TGFBR2: variants seen among roughly 807,000 people sequenced by gnomAD.
TGFBR2 encodes TGF-beta receptor type-2.
Under a neutral mutation model 49.0 loss-of-function variants are expected in TGFBR2, and 18 were observed. The ratio of observed to expected loss-of-function variants is 0.37; its 90% CI spans 0.25 to 0.54. The LOEUF (loss-of-function observed/expected upper bound fraction) is 0.54, where lower values mean the gene tolerates loss of function less well. Among genes scored for constraint, TGFBR2 ranks in the 20% least tolerant of loss-of-function variants. The pLI, the probability that TGFBR2 is intolerant of heterozygous loss-of-function variation, is 0.85. For missense variants in TGFBR2, 525 were observed against 722.6 expected, an observed-to-expected ratio of 0.73 and a Z score of 3.13; for synonymous variants, 282 against 275.9, an observed-to-expected ratio of 1.02 and a Z score of -0.22.
At chr3:30,661,314 A>T (rs986107886) in intron 3 of TGFBR2, among the ~76,000 whole-genome samples, 6 of 152,200 alleles carry the variant, frequency 3.9e-5, no homozygotes, top group Admixed American at 2.6e-4. Flanking sequence ...GGGAGGACAG[A>T]TGTGTCATCA....
At chr3:30,660,291 C>G (rs1451493924) in intron 3 of TGFBR2, among the ~76,000 whole-genome samples, 1 of 152,142 alleles carries the variant, frequency 6.6e-6, no homozygotes, top group Non-Finnish European at 1.5e-5. Flanking sequence ...CCTGTTTCTT[C>G]CACCAGGCTG....
At chr3:30,621,984 A>G (rs566116772) in intron 1 of TGFBR2, among the ~76,000 whole-genome samples, 2 of 152,306 alleles carry the variant, frequency 1.3e-5, no homozygotes, top group East Asian at 3.9e-4. Context: ...ACTAAGTATT[A>G]GATGTCTGTG....
At position 30,622,537 on chromosome 3, in the gene TGFBR2, C is replaced by CA. The variant is rs200899269; in HGVS notation, c.94+15570dup. Among the ~76,000 whole-genome samples, 1,195 of 143,402 alleles carry CA rather than the reference C, an allele frequency of 8.3e-3. 14 individuals are homozygous for CA. Among genetic ancestry groups the CA allele is most frequent in the South Asian group, 0.029 (132 of 4,586 alleles). 94.1% of individuals were successfully genotyped at this position (143,402 alleles called of 152,430 possible). ...AATAGCTGTTAAATAATATTAAAGG[C>CA]AAAAAAAAAAGTCATGAAAATAGTC... On this transcript the variant is annotated intron_variant, in intron 1 of 6. Coordinates refer to ENST00000295754, the MANE Select transcript of TGFBR2 (RefSeq NM_003242.6).
At chr3:30,643,614 G>A (rs889698033) in intron 1 of TGFBR2, among the ~76,000 whole-genome samples, 1 of 152,020 alleles carries the variant, frequency 6.6e-6, no homozygotes, top group Non-Finnish European at 1.5e-5. Flanking sequence ...TGGCATCAAG[G>A]GCCAAACATG....
intron 3 of TGFBR2, among the ~76,000 whole-genome samples, chr3:30,670,888 T>C (rs939298184): frequency 2.6e-5 from 4 of 152,262 alleles, no homozygotes; most frequent in African/African-American, 7.2e-5. Flanking sequence ...TGGGTGGATG[T>C]AAGATAACTG....
chr3:30,640,810 T>C (rs1394324676), intron 1 of TGFBR2, among the ~76,000 whole-genome samples: 4 of 152,138 alleles, frequency 2.6e-5, no homozygotes, highest in African/African-American at 9.7e-5. Flanking sequence ...AATGTTGAAG[T>C]TGGGTTAGGG....
chr3:30,658,955 G>A (rs1699059193), intron 3 of TGFBR2, among the ~76,000 whole-genome samples: 1 of 152,160 alleles, frequency 6.6e-6, no homozygotes, highest in South Asian at 2.1e-4. Flanking sequence ...GTTGTTTTCC[G>A]AGTAAGGGAA....
chr3:30,607,213 T>A (rs896059994), intron 1 of TGFBR2, among the ~76,000 whole-genome samples: 1 of 152,246 alleles, frequency 6.6e-6, no homozygotes, highest in Non-Finnish European at 1.5e-5. Flanking sequence ...TGGTCCCCTT[T>A]GTGCGAGCAG....
At chr3:30,669,386 G>T (rs1009584777) in intron 3 of TGFBR2, among the ~76,000 whole-genome samples, 56 of 152,108 alleles carry the variant, frequency 3.7e-4, no homozygotes, top group African/African-American at 1.3e-3. Context: ...AGGAGTTTAG[G>T]AGTGGAGGTT....
At chr3:30,679,951 T>G (rs1699510241) in intron 5 of TGFBR2, among the ~76,000 whole-genome samples, 1 of 152,094 alleles carries the variant, frequency 6.6e-6, no homozygotes, top group Non-Finnish European at 1.5e-5. Context: ...GATGGTGAAA[T>G]GCCATCTCTA....
Position 30,672,294 on chromosome 3 carries a change from C to A in TGFBR2, c.1111C>A (p.Pro371Thr), listed in dbSNP as rs2125436257. The A allele has an allele frequency of 1.9e-6, 3 of 1,606,140 alleles. No individual in the cohort carries two copies. Among genetic ancestry groups the A allele is most frequent in the Non-Finnish European group, 2.6e-6 (3 of 1,175,362 alleles). Residue 371 changes from proline to threonine, a missense_variant, in exon 4 of 7, where the codon CCC becomes ACC. Physicochemically the swap from Pro to Thr is conservative, Grantham distance 38 (BLOSUM62 -1). Coordinates refer to ENST00000295754, the MANE Select transcript of TGFBR2 (RefSeq NM_003242.6). This position sits in a 1 kb window ranked among gnomAD's most constrained non-coding sequence, Gnocchi z 4.5. ...CAGTGATCACACTCCATGTGGGAGGCCCAAGATGCCCATCGTGCACAGGGA... is the reference window on the plus strand; with the variant it reads ...CAGTGATCACACTCCATGTGGGAGGACCAAGATGCCCATCGTGCACAGGGA... ...LHSDHTPCGR[P>T]KMPIVHRDLK...
rs1171971413 is a variant in TGFBR2 at position 30,692,574 on chromosome 3, C to T, written c.*975C>T. On this transcript the variant is annotated 3_prime_UTR_variant, in exon 7 of 7. Transcript: ENST00000295754. ...TTTTCTAAAAAGGAGCAAATTCTCACTCTAGGCTTTATCGTGTTTACTTTT... is the reference window on the plus strand; with the variant it reads ...TTTTCTAAAAAGGAGCAAATTCTCATTCTAGGCTTTATCGTGTTTACTTTT... 1 of 233,020 alleles carries T rather than the reference C, an allele frequency of 4.3e-6. No individual in the cohort carries two copies. The highest frequency in any genetic ancestry group is 6.0e-5 in the East Asian group (1 of 16,688). The allele number at this position is 233,020 out of a possible 1,614,324, so 14.4% of individuals were successfully genotyped here.
At chr3:30,637,876 G>C (rs182919448) in intron 1 of TGFBR2, among the ~76,000 whole-genome samples, 40 of 152,310 alleles carry the variant, frequency 2.6e-4, no homozygotes, top group Admixed American at 5.9e-4. Flanking sequence ...GAGGCAAAAG[G>C]CTATTTGCGT....
rs764584556 is a variant in TGFBR2, at chr3:30,606,992, G to T, written c.94+15G>T. 1 of 1,574,306 alleles carries T rather than the reference G, an allele frequency of 6.4e-7. No individual in the cohort carries two copies. The highest frequency in any genetic ancestry group is 1.2e-5 in the South Asian group (1 of 86,570). On this transcript the variant is annotated intron_variant, in intron 1 of 6. Coordinates refer to ENST00000295754, the MANE Select transcript of TGFBR2 (RefSeq NM_003242.6). ...TCAGAAGTCGGGTGAGTGGTCCCCA[G>T]CCCGGGCTCGGCGGGGCGCCGGGGG...
chr3:30,637,885 G>T (rs144030641), intron 1 of TGFBR2, among the ~76,000 whole-genome samples: 17 of 152,072 alleles, frequency 1.1e-4, no homozygotes, highest in Non-Finnish European at 2.5e-4. Flanking sequence ...GGCTATTTGC[G>T]TTTGCAGTGT....
intron 3 of TGFBR2, among the ~76,000 whole-genome samples, chr3:30,663,843 G>T (rs966395203): frequency 1.3e-5 from 2 of 152,040 alleles, no homozygotes; most frequent in Middle Eastern, 3.2e-3. Context: ...TTTTATTTTG[G>T]AATGAATTCT....
intron 1 of TGFBR2, among the ~76,000 whole-genome samples, chr3:30,631,686 G>T (rs149343736): frequency 6.1e-4 from 81 of 133,534 alleles, no homozygotes; most frequent in African/African-American, 2.1e-3. Flanking sequence ...GTTTCAAAGT[G>T]TTTGGTGTTA....
At chr3:30,619,197 T>C (rs1421453308) in intron 1 of TGFBR2, among the ~76,000 whole-genome samples, 1 of 152,252 alleles carries the variant, frequency 6.6e-6, no homozygotes. Context: ...ACGCAAAATC[T>C]ATAACCATTT....
chr3:30,668,839 C>A (rs1699288438), intron 3 of TGFBR2, among the ~76,000 whole-genome samples: 1 of 151,874 alleles, frequency 6.6e-6, no homozygotes, highest in Non-Finnish European at 1.5e-5. Context: ...GGTTACTAGA[C>A]CCAAGATTTT....
Sources: gnomAD v4.1 joint callset for allele counts (sites outside exome capture counted in the v4.1 genomes callset) on GRCh38, gnomAD v4.1.1 for gene constraint, Gnocchi (gnomAD v3.1) non-coding constraint, MANE v1.5 for transcripts, NCBI Gene and HGNC (gene_info 2026-07-23, HGNC 2026-07-21) for gene names.